The following SIPA1L3 variants were observed in gnomAD, a reference collection of about 807,000 sequenced individuals.
SIPA1L3 encodes signal induced proliferation associated 1 like 3, also known as signal-induced proliferation-associated 1-like protein 3.
SIPA1L3 carries 59 observed loss-of-function variants against 150.1 expected under a neutral mutation model. The observed-to-expected ratio is 0.39, with a 90% CI of 0.32 to 0.49. The LOEUF is 0.49. SIPA1L3 is among the 20% of genes least tolerant of loss of function. The pLI is 0.86. For missense variants in SIPA1L3, 2,211 were observed against 2,489.5 expected, an observed-to-expected ratio of 0.89 and a Z score of 2.38; for synonymous variants, 1,070 against 1,077.6, an observed-to-expected ratio of 0.99 and a Z score of 0.14.
At chr19:37,987,618 C>T (rs1330080781) in intron 1 of SIPA1L3, among the ~76,000 whole-genome samples, 1 of 152,204 alleles carries the variant, frequency 6.6e-6, no homozygotes, top group African/African-American at 2.4e-5. Flanking sequence ...CAGTGTTGTC[C>T]CTAGTTGGTT....
chr19:38,088,730 A>T lies in SIPA1L3; in HGVS notation c.1544A>T (p.Asn515Ile). The T allele has an allele frequency of 6.2e-7, 1 of 1,613,698 alleles. No individual in the cohort carries two copies. The highest frequency in any genetic ancestry group is 8.5e-7 in the Non-Finnish European group (1 of 1,179,784). The part of the protein sequence containing the change: ...QDYFVGKEHA[N>I]YFGVDEKLGP... ...TGCTCTTCCTTCTTAGAACATGCCA[A>T]TTACTTCGGCGTGGATGAGAAGCTG... is the stretch of plus-strand genomic sequence containing the variant. The change falls in exon 4 of 22, where the codon AAT (asparagine) becomes ATT (isoleucine). Residue 515 changes from asparagine (N) to isoleucine (I), a missense_variant. Physicochemically the swap from Asn to Ile is moderately radical, Grantham distance 149. Around this residue, in one of 5 missense-constraint regions of SIPA1L3, gnomAD observed 625 missense variants for 804.2 expected, o/e 0.78. Coordinates refer to ENST00000222345, the MANE Select transcript of SIPA1L3 (RefSeq NM_015073.3).
At chr19:38,197,925 C>T (rs191610871) in intron 18 of SIPA1L3, among the ~76,000 whole-genome samples, 3 of 150,576 alleles carry the variant, frequency 2.0e-5, no homozygotes, top group African/African-American at 7.3e-5. Context: ...GGGAGTCTTC[C>T]AGGGCACTCA....
chr19:38,137,541 T>G (rs888079413), intron 10 of SIPA1L3, among the ~76,000 whole-genome samples: 5 of 151,848 alleles, frequency 3.3e-5, no homozygotes, highest in African/African-American at 1.2e-4. Flanking sequence ...GTTCAAGTGA[T>G]CCTCTCGTCT....
chr19:37,975,765 G>A (rs559792827), intron 1 of SIPA1L3, among the ~76,000 whole-genome samples: 1 of 152,278 alleles, frequency 6.6e-6, no homozygotes, highest in African/African-American at 2.4e-5. Flanking sequence ...TTGGTTGTGG[G>A]AGTCAGGGGT....
At chr19:38,041,998 T>C (rs546861369) in intron 2 of SIPA1L3, among the ~76,000 whole-genome samples, 3 of 152,368 alleles carry the variant, frequency 2.0e-5, no homozygotes, top group Admixed American at 1.3e-4. Context: ...AGTCCATAGG[T>C]TGACTTTTTG....
intron 18 of SIPA1L3, among the ~76,000 whole-genome samples, chr19:38,198,114 TC>T (rs906598656): frequency 5.3e-5 from 8 of 152,202 alleles, no homozygotes; most frequent in Non-Finnish European, 2.9e-5. Context: ...CACTGGCTGT[TC>T]CGTCTGCCTG....
intron 21 of SIPA1L3, 110 bp from the exon 22 acceptor site, chr19:38,205,987 G>GA: frequency 7.7e-7 from 1 of 1,295,838 alleles, no homozygotes. Context: ...GGCTCTAGTG[G>GA]TTGGCTCCAA....
intron 1 of SIPA1L3, among the ~76,000 whole-genome samples, chr19:37,977,835 C>G (rs529716442): frequency 3.9e-5 from 6 of 152,194 alleles, no homozygotes; most frequent in Non-Finnish European, 5.9e-5. Flanking sequence ...GTCCTGTAGT[C>G]CAGAAATTGA....
chr19:38,081,598 T>C lies in SIPA1L3; in HGVS notation c.33T>C (p.Gly11=), dbSNP rs113494639. Residue 11 remains glycine (G), a synonymous_variant, in exon 3 of 22, where the codon GGT becomes GGC. Transcript: ENST00000222345. Reference sequence around the variant, plus strand: ...CCTATCGGGCCATCCCCAGCGATGGTGTGGACCTGGCAGCCAGCTGTGGCG... The same window carrying C: ...CCTATCGGGCCATCCCCAGCGATGGCGTGGACCTGGCAGCCAGCTGTGGCG... MTTYRAIPSD[G]VDLAASCGAR... is the part of the protein sequence containing the mutation. 12 of 1,600,184 alleles carry C rather than the reference T, an allele frequency of 7.5e-6. No individual in the cohort carries two copies. Among genetic ancestry groups the C allele is most frequent in the African/African-American group, 2.7e-5 (2 of 74,790 alleles).
intron 9 of SIPA1L3, 102 bp downstream of exon 9, chr19:38,119,984 A>C: frequency 2.7e-6 from 2 of 752,702 alleles, no homozygotes; most frequent in Non-Finnish European, 2.1e-6. Context: ...TAAGACACGC[A>C]CTGGCCCGGA....
At chr19:38,001,742 T>A (rs1967812235) in intron 1 of SIPA1L3, among the ~76,000 whole-genome samples, 1 of 152,234 alleles carries the variant, frequency 6.6e-6, no homozygotes, top group Non-Finnish European at 1.5e-5. Context: ...AGTTTTTTAG[T>A]ACTTTTTTAT....
At chr19:37,977,272 C>G (rs1967098662) in intron 1 of SIPA1L3, among the ~76,000 whole-genome samples, 1 of 152,144 alleles carries the variant, frequency 6.6e-6, no homozygotes, top group Non-Finnish European at 1.5e-5. Flanking sequence ...TCAGGCGATT[C>G]TTCTGCCTCA....
At chr19:38,058,870 G>A (rs1969387333) in intron 2 of SIPA1L3, among the ~76,000 whole-genome samples, 1 of 151,816 alleles carries the variant, frequency 6.6e-6, no homozygotes, top group Non-Finnish European at 1.5e-5. Context: ...ACTAAAAATA[G>A]AAAATTAGCC....
chr19:37,915,080 A>G (rs912151138), intron 1 of SIPA1L3, among the ~76,000 whole-genome samples: 2 of 152,150 alleles, frequency 1.3e-5, no homozygotes, highest in Non-Finnish European at 2.9e-5. Flanking sequence ...TTGACATGCA[A>G]AGCACTTTAG....
At position 38,206,436 on chromosome 19, in the gene SIPA1L3, G is replaced by T. The variant is rs1470550307; in HGVS notation, c.*196G>T. 4 of 626,050 alleles carry T rather than the reference G, an allele frequency of 6.4e-6. No homozygotes were observed. The highest frequency in any genetic ancestry group is 7.1e-5 in the Admixed American group (2 of 28,004). 38.8% of individuals were successfully genotyped at this position (626,050 alleles called of 1,614,324 possible). A position where few individuals can be genotyped will look rare whatever the true frequency, so the allele number is the denominator to read the frequency against. On this transcript the variant is annotated 3_prime_UTR_variant, in exon 22 of 22. Transcript: ENST00000222345. Reference sequence around the variant, plus strand: ...CGCGCACAGCCCTCATGCCCCAGAGGGCGAAGTGGTCTCAGGCCTCCCTCC... The same window carrying T: ...CGCGCACAGCCCTCATGCCCCAGAGTGCGAAGTGGTCTCAGGCCTCCCTCC...
chr19:38,040,808 TG>T lies in SIPA1L3; in HGVS notation c.-311+11654del, dbSNP rs371603814. On this transcript the variant is annotated intron_variant, in intron 2 of 21. Coordinates refer to ENST00000222345, the MANE Select transcript of SIPA1L3 (RefSeq NM_015073.3). ...CGGAGTCTCGCTCAGTCGCCCAGGC[TG>T]GAGTGCAGTGGCTCAATCTCCGCTC... Among the ~76,000 whole-genome samples, 364 of 152,396 alleles carry T rather than the reference TG, an allele frequency of 2.4e-3. 1 individual carries two copies. The highest frequency in any genetic ancestry group is 8.3e-3 in the African/African-American group (347 of 41,602).
chr19:38,149,261 C>T (rs552410578), intron 12 of SIPA1L3, among the ~76,000 whole-genome samples: 2 of 152,200 alleles, frequency 1.3e-5, no homozygotes, highest in Admixed American at 1.3e-4. Flanking sequence ...ATTAGCTTGG[C>T]ACCTTGGCGT....
At chr19:37,913,440 C>T (rs972768831) in intron 1 of SIPA1L3, among the ~76,000 whole-genome samples, 1 of 152,126 alleles carries the variant, frequency 6.6e-6, no homozygotes, top group African/African-American at 2.4e-5. Context: ...TGGAGTCTCG[C>T]TGTCACCCAG....
At position 38,110,105 on chromosome 19, in the gene SIPA1L3, G is replaced by A; in HGVS notation, c.2134-122G>A. 6 of 940,868 alleles carry A rather than the reference G, an allele frequency of 6.4e-6. No individual in the cohort carries two copies. In the South Asian group the frequency reaches 8.9e-5, roughly 14 times the overall value. The allele number at this position is 940,868 out of a possible 1,614,324, so 58.3% of individuals were successfully genotyped here. On this transcript the variant is annotated intron_variant, in intron 7 of 21. Transcript: ENST00000222345. ...TGTCACCTGACTCGGGCATTCCTTG[G>A]GCTGTGTGTGAGCAGGGAGTGGGAA... is the stretch of plus-strand genomic sequence containing the variant.
Sources: allele counts gnomAD v4.1 joint callset (sites outside exome capture counted in the v4.1 genomes callset), GRCh38; gene constraint gnomAD v4.1.1; regional missense constraint gnomAD v4.1.1; transcripts MANE v1.5; gene names NCBI Gene and HGNC (gene_info 2026-07-23, HGNC 2026-07-21).